The following CPD variants were observed in gnomAD, a reference collection of about 807,000 sequenced individuals.
CPD encodes the protein carboxypeptidase D, also known as metallocarboxypeptidase D.
A neutral mutation model predicts 138.3 loss-of-function variants in CPD; 69 were observed. The observed-to-expected ratio is 0.50, with a 90% CI of 0.41 to 0.61. The LOEUF (loss-of-function observed/expected upper bound fraction) is 0.61. Among genes scored for constraint, CPD ranks in the 20% least tolerant of loss-of-function variants. The pLI is 0.00. For missense variants in CPD, 1,432 were observed against 1,733.3 expected (o/e 0.83, Z 3.09); for synonymous variants, 651 against 642.1 (o/e 1.01, Z -0.21).
rs1434967636 is a variant in CPD, at chr17:30,379,217, G to T, written c.237G>T (p.Leu79=). The T allele has an allele frequency of 6.5e-7, 1 of 1,528,264 alleles. No homozygotes were observed. 94.7% of individuals were successfully genotyped at this position (1,528,264 alleles called of 1,614,324 possible). A position where few individuals can be genotyped will look rare whatever the true frequency, so the allele number is the denominator to read the frequency against. Residue 79 remains leucine, a synonymous_variant, in exon 1 of 21, where the codon CTG becomes CTT. Transcript: ENST00000225719. The surrounding 1 kb of genome is among the most constrained non-coding windows in gnomAD (Gnocchi z 7.0). ...CGGCGGCCGCGGGCCTCCCCGGCCT[G>T]GCCCGCCTCTTTAGCATCGGCCGCT... ...REAAAAGLPG[L]ARLFSIGRSV... is the part of the protein sequence containing the mutation.
At chr17:30,395,091 G>A (rs986448872) in intron 2 of CPD, among the ~76,000 whole-genome samples, 1 of 151,884 alleles carries the variant, frequency 6.6e-6, no homozygotes, top group Non-Finnish European at 1.5e-5. Context: ...GCATATGGCA[G>A]TGTAGATGAT....
rs148156095 is a variant in CPD, at chr17:30,422,804, G to A, written c.1438G>A (p.Val480Ile). 2.0e-5 allele frequency: 32 copies of A among 1,613,950 alleles called. No individual in the cohort carries two copies. In the African/African-American group the frequency reaches 4.3e-4, roughly 22 times the overall value. The stretch of plus-strand genomic sequence containing the variant: ...AGAGGCTGTATCAACTGCTAGCACA[G>A]TTGCTATACCTAATATTCTTTCTGG... ...TTEAVSTAST[V>I]AIPNILSGTS... Residue 480 changes from valine (V) to isoleucine (I), a missense_variant, in exon 5 of 21, where the codon GTT becomes ATT. Physicochemically the swap from Val to Ile is conservative, Grantham distance 29. Coordinates refer to ENST00000225719, the MANE Select transcript of CPD (RefSeq NM_001304.5).
intron 1 of CPD, among the ~76,000 whole-genome samples, chr17:30,381,447 A>G (rs998959388): frequency 2.6e-5 from 4 of 152,202 alleles, no homozygotes; most frequent in African/African-American, 9.7e-5. Context: ...GAGGCTATAC[A>G]GAGTCATTTT....
chr17:30,451,432 G>A (rs1004401592), intron 13 of CPD, among the ~76,000 whole-genome samples: 3 of 152,214 alleles, frequency 2.0e-5, no homozygotes, highest in African/African-American at 7.2e-5. Context: ...ATATACAATA[G>A]CAGGCACCAA....
rs540819032 is a variant in CPD, at chr17:30,386,547, A to C, written c.994+1311A>C. ...GTGCAACCATCACCACTATTTCTAA[A>C]ACTTGTTCATCATCCCAAACAGAAA... On this transcript the variant is annotated intron_variant, in intron 2 of 20. Transcript: ENST00000225719. Among the ~76,000 whole-genome samples the C allele has an allele frequency of 3.8e-4, 58 of 152,178 alleles. 1 individual carries two copies. In the South Asian group the frequency reaches 5.8e-3, roughly 15 times the overall value.
intron 1 of CPD, among the ~76,000 whole-genome samples, chr17:30,384,048 T>A (rs1015093537): frequency 3.9e-5 from 6 of 152,154 alleles, no homozygotes; most frequent in African/African-American, 1.2e-4. Context: ...TTAAAAAAAA[T>A]GTTTCTTTTA....
In CPD at chr17:30,451,126, G is replaced by T. The variant is rs572914952; in HGVS notation, c.3070-585G>T. Among the ~76,000 whole-genome samples the T allele has an allele frequency of 1.6e-4, 24 of 152,188 alleles. No homozygotes were observed. In the South Asian group the frequency reaches 4.2e-3, roughly 26 times the overall value. ...CCATTTTATAAATGTAGAAACTGAG[G>T]CAGTCCCACAGCTAGAAACTGGTAA... On this transcript the variant is annotated intron_variant, in intron 13 of 20. Coordinates refer to ENST00000225719, the MANE Select transcript of CPD (RefSeq NM_001304.5).
chr17:30,423,438 G>A lies in CPD; in HGVS notation c.1658-68G>A, dbSNP rs950181805. The A allele has an allele frequency of 6.0e-5, 72 of 1,208,588 alleles. No individual in the cohort carries two copies. In the East Asian group the frequency reaches 1.4e-3, roughly 23 times the overall value. The allele number at this position is 1,208,588 out of a possible 1,614,324, so 74.9% of individuals were successfully genotyped here. A position where few individuals can be genotyped will look rare whatever the true frequency, so the allele number is the denominator to read the frequency against. On this transcript the variant is annotated intron_variant, in intron 5 of 20. Coordinates refer to ENST00000225719, the MANE Select transcript of CPD (RefSeq NM_001304.5). ...TTAGTATAGGATTTATATATGTTGC[G>A]GAAAAAAACTGAGTCCATGATGATT...
At chr17:30,399,530 G>A (rs1467170541) in intron 2 of CPD, among the ~76,000 whole-genome samples, 1 of 150,854 alleles carries the variant, frequency 6.6e-6, no homozygotes, top group Non-Finnish European at 1.5e-5. Context: ...TCGTTTTGGT[G>A]AATCTACACT....
At chr17:30,429,131 T>G (rs17731038) in intron 7 of CPD, among the ~76,000 whole-genome samples, 56,480 of 152,060 alleles carry the variant, frequency 0.37, 13,072 homozygotes, top group East Asian at 0.83. Context: ...AATCATATAT[T>G]GTTCTCAAAG....
Position 30,461,786 on chromosome 17 carries a change from G to A in CPD, c.3631-91G>A. The A allele has an allele frequency of 3.0e-6, 3 of 1,002,684 alleles. No individual in the cohort carries two copies. The South Asian group carries it at 5.8e-5, about 19-fold the overall frequency. The allele number at this position is 1,002,684 out of a possible 1,614,324, so 62.1% of individuals were successfully genotyped here. A position where few individuals can be genotyped will look rare whatever the true frequency, so the allele number is the denominator to read the frequency against. On this transcript the variant is annotated intron_variant, in intron 18 of 20. Transcript: ENST00000225719. ...TGTGTGGTTTTTGTTTTGTTTGTTT[G>A]TTTGGTTGGTTTTGGTCATGCCTCA...
chr17:30,426,297 A>G (rs1296038128), intron 6 of CPD, among the ~76,000 whole-genome samples: 1 of 151,972 alleles, frequency 6.6e-6, no homozygotes, highest in East Asian at 1.9e-4. Context: ...CGCAGTAAAG[A>G]GTTTAATTAA....
intron 12 of CPD, among the ~76,000 whole-genome samples, chr17:30,449,325 TAATCTTTCCTA>T (rs569843420): frequency 1.8e-3 from 267 of 152,316 alleles, no homozygotes; most frequent in African/African-American, 6.2e-3. Context: ...AACTAAATCA[TAATCTTTCCTA>T]AATCTTTCCT....
At chr17:30,442,153 A>G (rs7214121) in intron 9 of CPD, among the ~76,000 whole-genome samples, 155 bp from the exon 10 acceptor site, 2,569 of 152,270 alleles carry the variant, frequency 0.017, 62 homozygotes, top group African/African-American at 0.052. Flanking sequence ...TTTTGCTTGT[A>G]TCGCAAGCAT....
intron 8 of CPD, among the ~76,000 whole-genome samples, chr17:30,435,703 G>A (rs1447647898): frequency 1.3e-5 from 2 of 152,138 alleles, no homozygotes; most frequent in African/African-American, 4.8e-5. Context: ...TTGTTTCCTA[G>A]TTCTGCTGTA....
chr17:30,379,279 C>A lies in CPD; in HGVS notation c.299C>A (p.Thr100Asn). ...CGGCCGCTGTGGGTGCTTCGCCTCA[C>A]CGCCGGCCTGGGGTCGCTAATCCCT... ...EGRPLWVLRL[T>N]AGLGSLIPEG... Residue 100 changes from threonine (T) to asparagine (N), a missense_variant, in exon 1 of 21, where the codon ACC (threonine) becomes AAC (asparagine). Transcript: ENST00000225719. This position sits in a 1 kb window ranked among gnomAD's most constrained non-coding sequence, Gnocchi z 7.0. 6.6e-7 allele frequency: 1 copy of A among 1,510,668 alleles called. No homozygotes were observed. The highest frequency in any genetic ancestry group is 8.8e-7 in the Non-Finnish European group (1 of 1,136,142). 93.6% of individuals were successfully genotyped at this position (1,510,668 alleles called of 1,614,324 possible).
In CPD at chr17:30,465,298, G is replaced by A. The variant is rs980539701; in HGVS notation, c.*484G>A. The A allele has an allele frequency of 1.3e-5, 2 of 157,578 alleles. No individual in the cohort carries two copies. The highest frequency in any genetic ancestry group is 4.8e-5 in the African/African-American group (2 of 41,464). The allele number at this position is 157,578 out of a possible 1,614,324, so 9.8% of individuals were successfully genotyped here. On this transcript the variant is annotated 3_prime_UTR_variant, in exon 21 of 21. Coordinates refer to ENST00000225719, the MANE Select transcript of CPD (RefSeq NM_001304.5). Reference sequence around the variant, plus strand: ...CTTTTCTCTAGTTGTTAAATAGCTGGAGTTTTTCTTATTCAGGTTTAATGG... The same window carrying A: ...CTTTTCTCTAGTTGTTAAATAGCTGAAGTTTTTCTTATTCAGGTTTAATGG...
intron 7 of CPD, among the ~76,000 whole-genome samples, chr17:30,429,176 G>A (rs1912499185): frequency 6.6e-6 from 1 of 152,104 alleles, no homozygotes; most frequent in African/African-American, 2.4e-5. Flanking sequence ...TACCCTGGTT[G>A]GCAAAATAAA....
chr17:30,403,021 G>A (rs111684412), intron 2 of CPD, among the ~76,000 whole-genome samples: 31 of 152,242 alleles, frequency 2.0e-4, no homozygotes, highest in African/African-American at 2.6e-4. Flanking sequence ...CAGGAGAATC[G>A]CTTTAACCTG....
Sources: allele counts gnomAD v4.1 joint callset (sites outside exome capture counted in the v4.1 genomes callset), GRCh38; gene constraint gnomAD v4.1.1; non-coding constraint Gnocchi (gnomAD v3.1); transcripts MANE v1.5; gene names NCBI Gene and HGNC (gene_info 2026-07-23, HGNC 2026-07-21).